PPP1R42: variants seen among roughly 807,000 people sequenced by gnomAD.
PPP1R42 encodes protein phosphatase 1 regulatory subunit 42.
In PPP1R42, 34 loss-of-function variants were observed where a neutral mutation model predicts 31.0. The ratio of observed to expected loss-of-function variants is 1.10; its 90% CI spans 0.83 to 1.46. PPP1R42 has a LOEUF of 1.46. Among genes scored for constraint, PPP1R42 ranks in the 40% most tolerant of loss-of-function variants. PPP1R42 has a pLI of 0.00. For synonymous variants in PPP1R42, 103 were observed against 109.8 expected (o/e 0.94, Z 0.39); for missense variants, 268 against 303.0 (o/e 0.88, Z 0.86).
chr8:67,003,338 GT>G (rs34080545), intron 5 of PPP1R42, among the ~76,000 whole-genome samples: 31 of 108,544 alleles, frequency 2.9e-4, no homozygotes, highest in African/African-American at 8.5e-4. Context: ...TCATTTCTGG[GT>G]TTTTTTTTTG....
chr8:67,003,166 C>CAAA (rs529377387), intron 5 of PPP1R42, among the ~76,000 whole-genome samples: 3 of 57,664 alleles, frequency 5.2e-5, no homozygotes, highest in African/African-American at 1.1e-4. Flanking sequence ...AACTCCGTCT[C>CAAA]AAAAAAAAAA....
chr8:66,972,795 T>C (rs1033922559), intron 7 of PPP1R42, among the ~76,000 whole-genome samples: 10 of 152,232 alleles, frequency 6.6e-5, no homozygotes, highest in African/African-American at 2.4e-4. Flanking sequence ...TTTTTAGTTA[T>C]AAAAATTGTT....
chr8:67,027,263 A>G (rs1202525880), intron 1 of PPP1R42, among the ~76,000 whole-genome samples: 1 of 152,204 alleles, frequency 6.6e-6, no homozygotes, highest in Non-Finnish European at 1.5e-5. Context: ...TTGAAATGAC[A>G]TATTCTTAAT....
At chr8:66,975,514 C>T (rs536181159) in intron 7 of PPP1R42, among the ~76,000 whole-genome samples, 4 of 152,064 alleles carry the variant, frequency 2.6e-5, no homozygotes, top group Admixed American at 2.6e-4. Flanking sequence ...GGTGTGGTGG[C>T]ACACGCCTGT....
rs1563416451 is a variant in PPP1R42, at chr8:66,981,985, T to C, written c.802+64A>G. 2.4e-6 allele frequency: 3 copies of C among 1,266,152 alleles called. No homozygotes were observed. The East Asian group carries it at 9.3e-5, about 39-fold the overall frequency. The allele number at this position is 1,266,152 out of a possible 1,614,324, so 78.4% of individuals were successfully genotyped here. ...AAACTATTTTATTTGTTGGCATTTT[T>C]TTGTTGCCTAGAATATTTCCTTTGC... is the stretch of plus-strand genomic sequence containing the variant. On this transcript the variant is annotated intron_variant, in intron 7 of 7. Coordinates refer to ENST00000685739, the MANE Select transcript of PPP1R42 (RefSeq NM_001364910.1).
intron 5 of PPP1R42, among the ~76,000 whole-genome samples, chr8:66,991,167 A>G (rs1563420899): frequency 6.6e-6 from 1 of 152,188 alleles, no homozygotes; most frequent in Non-Finnish European, 1.5e-5. Context: ...TAAAAACTAT[A>G]GGTAAAGATT....
intron 5 of PPP1R42, among the ~76,000 whole-genome samples, chr8:66,998,981 T>C (rs1194229232): frequency 2.6e-5 from 4 of 152,178 alleles, no homozygotes; most frequent in African/African-American, 7.2e-5. Context: ...ATAGGGTATA[T>C]TGCTCTTTAG....
intron 6 of PPP1R42, chr8:66,984,792 A>G: frequency 6.2e-7 from 1 of 1,608,490 alleles, no homozygotes; most frequent in Non-Finnish European, 8.5e-7. Context: ...TCAAATTAGA[A>G]ATTCTCACTT....
At chr8:66,985,887 G>T (rs748793951) in intron 6 of PPP1R42, 4 of 1,017,776 alleles carry the variant, frequency 3.9e-6, no homozygotes, top group Non-Finnish European at 6.0e-6. Context: ...TCAAAATGGG[G>T]TATTTGCTGC....
intron 5 of PPP1R42, among the ~76,000 whole-genome samples, chr8:67,003,029 G>A (rs1252812458): frequency 6.6e-6 from 1 of 150,522 alleles, no homozygotes; most frequent in East Asian, 1.9e-4. Context: ...GCTGGGCGTG[G>A]TGGCGGGTGC....
intron 5 of PPP1R42, among the ~76,000 whole-genome samples, chr8:67,001,449 A>G (rs1815487764): frequency 6.7e-6 from 1 of 149,436 alleles, no homozygotes; most frequent in South Asian, 2.1e-4. Context: ...ATATTAATAT[A>G]TAATTATTGA....
chr8:67,027,631 G>A (rs1816443375), intron 1 of PPP1R42, among the ~76,000 whole-genome samples: 1 of 152,186 alleles, frequency 6.6e-6, no homozygotes, highest in African/African-American at 2.4e-5. Flanking sequence ...TGTATTGGTA[G>A]TTTTTATTGT....
Position 66,988,524 on chromosome 8 carries a change from T to C in PPP1R42, c.553-7A>G, listed in dbSNP as rs1167991346. Reference sequence around the variant, plus strand: ...TCAGTAAAAACTCCAAATCCTATAATTAGAGAAGAAAAAGCAAAGCACAAG... The same window carrying C: ...TCAGTAAAAACTCCAAATCCTATAACTAGAGAAGAAAAAGCAAAGCACAAG... On this transcript the variant is annotated splice_region_variant and splice_polypyrimidine_tract_variant and intron_variant, in intron 5 of 7. Transcript: ENST00000685739. 6.3e-7 allele frequency: 1 copy of C among 1,593,880 alleles called. No homozygotes were observed. The highest frequency in any genetic ancestry group is 1.4e-5 in the African/African-American group (1 of 73,576).
intron 1 of PPP1R42, 120 bp downstream of exon 1, chr8:67,028,371 T>C: frequency 4.8e-6 from 2 of 415,932 alleles, no homozygotes; most frequent in Non-Finnish European, 6.5e-6. Context: ...TGTCTAAAGA[T>C]AGGGCCCAAG....
At chr8:67,025,996 C>A (rs1485718329) in intron 1 of PPP1R42, among the ~76,000 whole-genome samples, 3 of 138,414 alleles carry the variant, frequency 2.2e-5, no homozygotes, top group South Asian at 2.3e-4. Flanking sequence ...TAGAGTGAGA[C>A]TCCGTCTCAA....
chr8:67,022,292 A>T (rs889936842), intron 1 of PPP1R42, among the ~76,000 whole-genome samples: 15 of 152,156 alleles, frequency 9.9e-5, no homozygotes, highest in African/African-American at 3.4e-4. Flanking sequence ...ATTATTGGCC[A>T]TGTGGAGTTT....
intron 7 of PPP1R42, among the ~76,000 whole-genome samples, chr8:66,964,700 TATAA>T (rs2130905776): frequency 6.6e-6 from 1 of 152,306 alleles, no homozygotes; most frequent in African/African-American, 2.4e-5. Flanking sequence ...TGTTTTTATA[TATAA>T]ATGTTTTATA....
intron 7 of PPP1R42, among the ~76,000 whole-genome samples, chr8:66,977,045 T>C (rs938908351): frequency 2.0e-5 from 3 of 151,834 alleles, no homozygotes; most frequent in Admixed American, 6.6e-5. Flanking sequence ...TGCTTTTTTT[T>C]TTTTTTTAGA....
chr8:66,974,137 T>C (rs1485392915), intron 7 of PPP1R42, among the ~76,000 whole-genome samples: 1 of 152,222 alleles, frequency 6.6e-6, no homozygotes, highest in Non-Finnish European at 1.5e-5. Context: ...GGCAGTCCTA[T>C]TTTTAACTTT....
Sources: gnomAD v4.1 joint callset for allele counts (sites outside exome capture counted in the v4.1 genomes callset) on GRCh38, gnomAD v4.1.1 for gene constraint, MANE v1.5 for transcripts, NCBI Gene and HGNC (gene_info 2026-07-23, HGNC 2026-07-21) for gene names.